PFKFB3: variants seen among roughly 807,000 people sequenced by gnomAD.
The protein encoded by PFKFB3 is 6-phosphofructo-2-kinase/fructose-2,6-bisphosphatase 3.
A neutral mutation model predicts 68.0 loss-of-function variants in PFKFB3; 33 were observed. That is an observed-to-expected ratio of 0.49 (90% CI 0.37 to 0.65). The LOEUF (loss-of-function observed/expected upper bound fraction) is 0.65. Ranked by LOEUF, PFKFB3 falls within the 30% of genes least tolerant of loss-of-function variation. The probability of loss-of-function intolerance (pLI) is 0.00; values close to 1 mark genes in which losing one functional copy is unlikely to be tolerated. For synonymous variants in PFKFB3, 315 were observed against 288.2 expected (o/e 1.09, Z -0.94); for missense variants, 586 against 712.2 (o/e 0.82, Z 2.02).
the PFKFB3 span, among the ~76,000 whole-genome samples, chr10:6,321,242 C>T: frequency 6.6e-6 from 1 of 152,100 alleles, no homozygotes; most frequent in Non-Finnish European, 1.5e-5. Context: ...TTTTGTTTTG[C>T]AAAACCCCAT....
rs1213728294 is a variant in PFKFB3, at chr10:6,229,726, C to T, written c.1516-3169C>T. ...CTGAAGGTTTTACATCTGTGCATGTCCTGATCCTTTAGACCAGCAGTCCCC... is the reference window on the plus strand; with the variant it reads ...CTGAAGGTTTTACATCTGTGCATGTTCTGATCCTTTAGACCAGCAGTCCCC... On this transcript the variant is annotated intron_variant, in intron 14 of 14. Transcript: ENST00000379775. The surrounding 1 kb of genome is among the most constrained non-coding windows in gnomAD (Gnocchi z 4.3). Among the ~76,000 whole-genome samples the T allele has an allele frequency of 6.6e-6, 1 of 152,218 alleles. No homozygotes were observed. Among genetic ancestry groups the T allele is most frequent in the African/African-American group, 2.4e-5 (1 of 41,442 alleles).
the PFKFB3 span, among the ~76,000 whole-genome samples, chr10:6,311,652 G>A: frequency 6.6e-6 from 1 of 152,152 alleles, no homozygotes; most frequent in Non-Finnish European, 1.5e-5. Context: ...GGAAGACTGA[G>A]GCAGGAGGAT....
the PFKFB3 span, among the ~76,000 whole-genome samples, chr10:6,271,855 A>G: frequency 6.6e-6 from 1 of 152,218 alleles, no homozygotes; most frequent in Non-Finnish European, 1.5e-5. Context: ...GCTAAATTGA[A>G]ATGAATCCTA....
intron 1 of PFKFB3, among the ~76,000 whole-genome samples, chr10:6,209,713 C>T (rs560266952): frequency 1.3e-5 from 2 of 151,422 alleles, no homozygotes; most frequent in African/African-American, 4.9e-5. Flanking sequence ...GGTCTGCCCT[C>T]CTCTGCTGCC....
chr10:6,187,527 G>A lies in PFKFB3; in HGVS notation c.17-26096G>A, dbSNP rs142103606. Among the ~76,000 whole-genome samples the A allele has an allele frequency of 8.9e-4, 136 of 152,270 alleles. 1 individual carries two copies. Among genetic ancestry groups the A allele is most frequent in the African/African-American group, 3.1e-3 (130 of 41,556 alleles). Reference sequence around the variant, plus strand: ...GGAGAAGTTTAGACAACTGCTCTAGGCTGCGTCTCTACAAATTACTCATTT... The same window carrying A: ...GGAGAAGTTTAGACAACTGCTCTAGACTGCGTCTCTACAAATTACTCATTT... On this transcript the variant is annotated intron_variant, in intron 1 of 14. Coordinates refer to the PFKFB3 transcript ENST00000379789.
rs115881856 is a variant in PFKFB3 at position 6,232,710 on chromosome 10, G to C, written c.1516-185G>C. On this transcript the variant is annotated intron_variant, in intron 14 of 14. Transcript: ENST00000379775. ...AGACTCTGGGGTTATCTTGCGTCATGTTCTGAGGCCCACCTGGGCTCTCTC... is the reference window on the plus strand; with the variant it reads ...AGACTCTGGGGTTATCTTGCGTCATCTTCTGAGGCCCACCTGGGCTCTCTC... 3.4e-3 allele frequency among the ~76,000 whole-genome samples: 516 copies of C among 152,246 alleles called. 3 individuals are homozygous for C. Among genetic ancestry groups the C allele is most frequent in the African/African-American group, 0.012 (498 of 41,542 alleles).
chr10:6,225,659 C>T (rs1845292105), intron 13 of PFKFB3, among the ~76,000 whole-genome samples: 3 of 152,196 alleles, frequency 2.0e-5, no homozygotes, highest in South Asian at 4.1e-4. Context: ...ACATTTTCTG[C>T]GCCTTTGGTC....
chr10:6,145,108 C>A, intron 1 of PFKFB3: 1 of 1,037,140 alleles, frequency 9.6e-7, no homozygotes, highest in Non-Finnish European at 1.3e-6. Context: ...TCGCCAGGCG[C>A]GGAAGCACTG....
upstream of PFKFB3, among the ~76,000 whole-genome samples, chr10:6,201,771 A>G (rs1843369524): frequency 6.6e-6 from 1 of 151,832 alleles, no homozygotes; most frequent in South Asian, 2.1e-4. The surrounding 1 kb of genome is among the most constrained non-coding windows in gnomAD (Gnocchi z 4.1). Context: ...AAGGCGGCGC[A>G]GCGCTCCCGT....
chr10:6,231,819 T>TGGTGGGCACTCATCACCTCCC (rs1317093928), intron 14 of PFKFB3, among the ~76,000 whole-genome samples: 27 of 150,494 alleles, frequency 1.8e-4, no homozygotes, highest in African/African-American at 6.4e-4. Flanking sequence ...TATCACCTCC[T>TGGTGGGCACTCATCACCTCCC]GGTGGGCACT....
In PFKFB3 at chr10:6,226,558, A is replaced by T. The variant is rs957057418; in HGVS notation, c.1515+193A>T. 2.9e-4 allele frequency: 166 copies of T among 574,016 alleles called. 1 individual carries two copies. The East Asian group carries it at 5.4e-3, about 19-fold the overall frequency. 35.6% of individuals were successfully genotyped at this position (574,016 alleles called of 1,614,324 possible). A position where few individuals can be genotyped will look rare whatever the true frequency, so the allele number is the denominator to read the frequency against. On this transcript the variant is annotated intron_variant, in intron 14 of 14. Transcript: ENST00000379775. ...ACACACTCACGTGTTGAGGGAGAAC[A>T]TAGGAAGCACCCTCCGAAGTTAAGA...
chr10:6,177,598 T>C (rs1842566782), intron 1 of PFKFB3, among the ~76,000 whole-genome samples: 1 of 150,294 alleles, frequency 6.7e-6, no homozygotes, highest in Non-Finnish European at 1.5e-5. Flanking sequence ...CGATCTCGGC[T>C]CACTACAACC....
At position 6,224,297 on chromosome 10, in the gene PFKFB3, C is replaced by G. The variant is rs985472109; in HGVS notation, c.1341+84C>G. The stretch of plus-strand genomic sequence containing the variant: ...ATGGGCGCTCAGGAGGCCCCGGGGC[C>G]GCTTGCCTGCAGGTGCTGGCCTGTC... On this transcript the variant is annotated intron_variant, in intron 13 of 14. Coordinates refer to ENST00000379775, the MANE Select transcript of PFKFB3 (RefSeq NM_004566.4). 2.9e-6 allele frequency: 4 copies of G among 1,385,886 alleles called. No individual in the cohort carries two copies. The East Asian group carries it at 6.9e-5, about 24-fold the overall frequency. The allele number at this position is 1,385,886 out of a possible 1,614,324, so 85.8% of individuals were successfully genotyped here.
At chr10:6,177,752 G>A (rs1454756060) in intron 1 of PFKFB3, among the ~76,000 whole-genome samples, 3 of 152,010 alleles carry the variant, frequency 2.0e-5, no homozygotes, top group African/African-American at 7.2e-5. Context: ...TCGAACTCCC[G>A]ACCTCAGGTG....
chr10:6,275,797 TAGAG>T, the PFKFB3 span, among the ~76,000 whole-genome samples: 2 of 151,808 alleles, frequency 1.3e-5, no homozygotes. This position sits in a 1 kb window ranked among gnomAD's most constrained non-coding sequence, Gnocchi z 4.9. Context: ...GTATTTTTCA[TAGAG>T]AGGATTACAT....
chr10:6,307,424 A>G, the PFKFB3 span, among the ~76,000 whole-genome samples: 1 of 151,968 alleles, frequency 6.6e-6, no homozygotes, highest in Non-Finnish European at 1.5e-5. Flanking sequence ...GATGGCTACC[A>G]GCAGTGGCCC....
intron 1 of PFKFB3, among the ~76,000 whole-genome samples, chr10:6,188,927 C>T (rs1488912061): frequency 6.7e-6 from 1 of 150,234 alleles, no homozygotes; most frequent in African/African-American, 2.4e-5. Context: ...CTCCGCCTCC[C>T]AGGTTCACGC....
the PFKFB3 span, among the ~76,000 whole-genome samples, chr10:6,299,098 T>C: frequency 6.6e-6 from 1 of 152,360 alleles, no homozygotes; most frequent in Admixed American, 6.5e-5. Flanking sequence ...TTTTTCCTGG[T>C]GTTTCCTTTG....
chr10:6,233,092 G>T lies in PFKFB3; in HGVS notation c.*150G>T, dbSNP rs11257460. The T allele has an allele frequency of 0.01, 7,105 of 678,902 alleles. 64 individuals carry two copies. The highest frequency in any genetic ancestry group is 0.016 in the Non-Finnish European group (6,033 of 381,266). 42.1% of individuals were successfully genotyped at this position (678,902 alleles called of 1,614,324 possible). A position where few individuals can be genotyped will look rare whatever the true frequency, so the allele number is the denominator to read the frequency against. ...CCTTGGCCGAAGAGAACCATGCTTG[G>T]CACCGTCTGTGTCCCCTCGGCCGCT... On this transcript the variant is annotated 3_prime_UTR_variant, in exon 15 of 15. Transcript: ENST00000379775.
Sources: gnomAD v4.1 joint callset for allele counts (sites outside exome capture counted in the v4.1 genomes callset) on GRCh38, gnomAD v4.1.1 for gene constraint, Gnocchi (gnomAD v3.1) non-coding constraint, MANE v1.5 for transcripts, NCBI Gene and HGNC (gene_info 2026-07-23, HGNC 2026-07-21) for gene names.